LCT: variants seen among roughly 807,000 people sequenced by gnomAD.
LCT encodes lactase/phlorizin hydrolase.
Under a neutral mutation model 173.0 loss-of-function variants are expected in LCT, and 90 were observed. That is an observed-to-expected ratio of 0.52 (90% CI 0.44 to 0.62). The LOEUF is 0.62. LCT is among the 20% of genes least tolerant of loss of function. LCT has a pLI of 0.00. For missense variants in LCT, 1,864 were observed against 2,431.4 expected, an observed-to-expected ratio of 0.77 and a Z score of 4.91; for synonymous variants, 853 against 957.6, an observed-to-expected ratio of 0.89 and a Z score of 2.02.
chr2:135,829,503 T>C, intron 3 of LCT, 90 bp downstream of exon 3: 2 of 977,756 alleles, frequency 2.0e-6, no homozygotes, highest in Non-Finnish European at 1.7e-6. Flanking sequence ...GGAAGTTCAG[T>C]TTATGCAGTA....
chr2:135,831,795 T>C (rs1293051659), intron 2 of LCT, among the ~76,000 whole-genome samples: 3 of 152,144 alleles, frequency 2.0e-5, no homozygotes, highest in Non-Finnish European at 4.4e-5. Context: ...ACAACATCTC[T>C]ACAGCACCAG....
At chr2:135,830,708 T>C (rs1023659612) in intron 2 of LCT, among the ~76,000 whole-genome samples, 3 of 152,226 alleles carry the variant, frequency 2.0e-5, no homozygotes, top group Non-Finnish European at 4.4e-5. Context: ...CTCAGTCAAG[T>C]TGTCATCAGT....
In LCT at chr2:135,817,328, G is replaced by A. The variant is rs368113825; in HGVS notation, c.1707+13C>T. ...CTCCTCCAATTAGTAGGAGCTGCAG[G>A]GTTGGGAAGTACCTTAAAAGAGGCC... is the stretch of plus-strand genomic sequence containing the variant. On this transcript the variant is annotated intron_variant, in intron 6 of 16. Transcript: ENST00000264162. 6 of 1,613,150 alleles carry A rather than the reference G, an allele frequency of 3.7e-6. No homozygotes were observed. Among genetic ancestry groups the A allele is most frequent in the Non-Finnish European group, 5.1e-6 (6 of 1,179,416 alleles).
intron 9 of LCT, among the ~76,000 whole-genome samples, chr2:135,806,504 C>T (rs1055576057): frequency 6.6e-6 from 1 of 152,224 alleles, no homozygotes; most frequent in Non-Finnish European, 1.5e-5. Flanking sequence ...CCCTCACCCA[C>T]TGACTCACCC....
chr2:135,810,564 G>C (rs895752032), intron 7 of LCT, among the ~76,000 whole-genome samples: 1 of 152,170 alleles, frequency 6.6e-6, no homozygotes, highest in Admixed American at 6.5e-5. Context: ...GTTACCACCA[G>C]GGTGTCTTGG....
chr2:135,827,575 G>A (rs564742503), intron 3 of LCT, among the ~76,000 whole-genome samples: 3 of 152,224 alleles, frequency 2.0e-5, no homozygotes, highest in Admixed American at 1.3e-4. Context: ...GAGGTAGGGG[G>A]GATGATGGGG....
chr2:135,814,965 C>T (rs1166499208), intron 6 of LCT, among the ~76,000 whole-genome samples: 1 of 151,956 alleles, frequency 6.6e-6, no homozygotes, highest in Non-Finnish European at 1.5e-5. Flanking sequence ...TAGAGGAGGT[C>T]GTGAGGGTGG....
In LCT at chr2:135,790,868, T is replaced by C. The variant is rs2077529091; in HGVS notation, c.5125A>G (p.Ile1709Val). The part of the protein sequence containing the change: ...SFDADRGVAS[I>V]ADRSWPDSGS... ...GAGTCTGGCCACGAGCGATCTGCGA[T>C]GGAAGCAACTCCTCTACAAGTTCAA... The change falls in exon 15 of 17, where the codon ATC becomes GTC. Residue 1709 changes from isoleucine (I) to valine (V), a missense_variant. Physicochemically the swap from Ile to Val is conservative, Grantham distance 29. This residue lies in a region of LCT where 514 missense variants were observed against 750.1 expected (regional missense o/e 0.69). Transcript: ENST00000264162. This position sits in a 1 kb window ranked among gnomAD's most constrained non-coding sequence, Gnocchi z 4.1. 1 of 1,613,890 alleles carries C rather than the reference T, an allele frequency of 6.2e-7. No homozygotes were observed.
Position 135,807,267 on chromosome 2 carries a change from G to A in LCT, c.4034C>T (p.Pro1345Leu), listed in dbSNP as rs1217599142. 1.9e-6 allele frequency: 3 copies of A among 1,614,082 alleles called. No individual in the cohort carries two copies. Among genetic ancestry groups the A allele is most frequent in the African/African-American group, 2.7e-5 (2 of 74,922 alleles). ...CCTGGCGGAGGCTCTTGCTGTGCGA[G>A]GCCTGTTCGTGTTGTTGAAATCAAC... ...YHVDFNNTNR[P>L]RTARASARYY... Residue 1345 changes from proline (P) to leucine (L), a missense_variant, in exon 9 of 17, where the codon CCT becomes CTT. Around this residue, in one of 4 missense-constraint regions of LCT, gnomAD observed 514 missense variants for 750.1 expected, o/e 0.69. Coordinates refer to ENST00000264162, the MANE Select transcript of LCT (RefSeq NM_002299.4).
chr2:135,799,824 T>A (rs2077611392), intron 12 of LCT, among the ~76,000 whole-genome samples: 1 of 152,178 alleles, frequency 6.6e-6, no homozygotes, highest in Non-Finnish European at 1.5e-5. Flanking sequence ...ACTCATTGAG[T>A]TGGCAAATTA....
chr2:135,797,028 A>G (rs2077587651), intron 13 of LCT, among the ~76,000 whole-genome samples: 1 of 149,290 alleles, frequency 6.7e-6, no homozygotes, highest in African/African-American at 2.5e-5. Flanking sequence ...GCTCACTGCA[A>G]CCTCTGCCTC....
At position 135,807,402 on chromosome 2, in the gene LCT, A is replaced by G; in HGVS notation, c.3905-6T>C. The G allele has an allele frequency of 6.2e-7, 1 of 1,614,078 alleles. No homozygotes were observed. The highest frequency in any genetic ancestry group is 1.7e-5 in the Admixed American group (1 of 60,026). ...TATACCATCGAGCCTGTAGGCTGGG[A>G]ACATCCCAAAGGGAGCAGAGGAGAG... On this transcript the variant is annotated splice_region_variant and splice_polypyrimidine_tract_variant and intron_variant, in intron 8 of 16. Transcript: ENST00000264162.
At chr2:135,833,601 C>T (rs1306964913) in intron 1 of LCT, among the ~76,000 whole-genome samples, 3 of 151,050 alleles carry the variant, frequency 2.0e-5, no homozygotes, top group African/African-American at 7.3e-5. Flanking sequence ...GGCCCGCCAC[C>T]ACGCCCGGCT....
intron 11 of LCT, among the ~76,000 whole-genome samples, chr2:135,802,737 G>T (rs145547776): frequency 1.2e-3 from 189 of 152,274 alleles, no homozygotes; most frequent in African/African-American, 4.3e-3. Flanking sequence ...GACAGGGAGA[G>T]GTTGGTTAAC....
intron 9 of LCT, 62 bp downstream of exon 9, chr2:135,807,065 GC>G: frequency 6.3e-7 from 1 of 1,588,246 alleles, no homozygotes; most frequent in Non-Finnish European, 8.6e-7. Context: ...CCAGCACTGA[GC>G]CCAGAGCCTG....
chr2:135,833,237 G>T, intron 1 of LCT, 47 bp from the exon 2 acceptor site: 3 of 1,388,742 alleles, frequency 2.2e-6, no homozygotes, highest in Non-Finnish European at 3.1e-6. Context: ...AGGGCAGGAG[G>T]CTCTGACTGT....
In LCT at chr2:135,836,701, A is replaced by T; in HGVS notation, c.469T>A (p.Phe157Ile). The change falls in exon 1 of 17, where the codon TTC (phenylalanine) becomes ATC (isoleucine). Residue 157 changes from phenylalanine (F) to isoleucine (I), a missense_variant. By Grantham distance (21) the Phe-to-Ile change is conservative (BLOSUM62 0). This residue lies in a region of LCT where 412 missense variants were observed against 462.0 expected (regional missense o/e 0.89). Coordinates refer to ENST00000264162, the MANE Select transcript of LCT (RefSeq NM_002299.4). Reference sequence around the variant, plus strand: ...AGGTCCCCGAAGGAGTGGAAGGCGAATGTGGCATAGTCGGCGAAGAGGTCA... The same window carrying T: ...AGGTCCCCGAAGGAGTGGAAGGCGATTGTGGCATAGTCGGCGAAGAGGTCA... The part of the protein sequence containing the change: ...FADLFADYAT[F>I]AFHSFGDLVG... 1 of 1,614,198 alleles carries T rather than the reference A, an allele frequency of 6.2e-7. No homozygotes were observed. The highest frequency in any genetic ancestry group is 8.5e-7 in the Non-Finnish European group (1 of 1,180,028).
At chr2:135,799,680 C>T (rs1278126860) in intron 12 of LCT, among the ~76,000 whole-genome samples, 3 of 152,154 alleles carry the variant, frequency 2.0e-5, no homozygotes, top group African/African-American at 2.4e-5. Flanking sequence ...GAACTCCTGA[C>T]CTCAGGTTAT....
chr2:135,791,333 A>C (rs768223424), intron 14 of LCT, among the ~76,000 whole-genome samples: 1 of 152,206 alleles, frequency 6.6e-6, no homozygotes, highest in Non-Finnish European at 1.5e-5. Context: ...CACAGGCACG[A>C]ATATTTGTAG....
Sources: gnomAD v4.1 joint callset for allele counts (sites outside exome capture counted in the v4.1 genomes callset) on GRCh38, gnomAD v4.1.1 for gene constraint, gnomAD v4.1.1 regional missense constraint, Gnocchi (gnomAD v3.1) non-coding constraint, MANE v1.5 for transcripts, NCBI Gene and HGNC (gene_info 2026-07-23, HGNC 2026-07-21) for gene names.